DCK: variants seen among roughly 807,000 people sequenced by gnomAD.
The protein encoded by DCK is deoxycytidine kinase.
Under a neutral mutation model 38.3 loss-of-function variants are expected in DCK, and 23 were observed. The observed-to-expected ratio is 0.60, with a 90% CI of 0.43 to 0.85. DCK has a LOEUF of 0.85. Among genes scored for constraint, DCK ranks in the 40% least tolerant of loss-of-function variants. The pLI, the probability that DCK is intolerant of heterozygous loss-of-function variation, is 0.00. For synonymous variants in DCK, 108 were observed against 100.6 expected, an observed-to-expected ratio of 1.07 and a Z score of -0.44; for missense variants, 259 against 304.4, an observed-to-expected ratio of 0.85 and a Z score of 1.11.
Position 70,993,678 on chromosome 4 carries a change from G to A in DCK, c.-158G>A. Reference sequence around the variant, plus strand: ...TCCTCAGCTGCCTCCGCGCGCCAAAGTCAAACCCCGACACCCGCCGGCGGG... The same window carrying A: ...TCCTCAGCTGCCTCCGCGCGCCAAAATCAAACCCCGACACCCGCCGGCGGG... On this transcript the variant is annotated 5_prime_UTR_variant, in exon 1 of 7. Coordinates refer to ENST00000286648, the MANE Select transcript of DCK (RefSeq NM_000788.3). 2 of 574,566 alleles carry A rather than the reference G, an allele frequency of 3.5e-6. No homozygotes were observed. Among genetic ancestry groups the A allele is most frequent in the South Asian group, 4.2e-5 (2 of 47,350 alleles). The allele number at this position is 574,566 out of a possible 1,614,324, so 35.6% of individuals were successfully genotyped here. A position where few individuals can be genotyped will look rare whatever the true frequency, so the allele number is the denominator to read the frequency against.
intron 3 of DCK, 44 bp from the exon 4 acceptor site, chr4:71,023,515 T>G (rs1182091365): frequency 7.8e-7 from 1 of 1,276,408 alleles, no homozygotes. Flanking sequence ...TCTTTGTTGT[T>G]TTTTTTTGAA....
chr4:70,995,313 A>G (rs1049486701), intron 1 of DCK, among the ~76,000 whole-genome samples: 13 of 152,368 alleles, frequency 8.5e-5, no homozygotes, highest in African/African-American at 2.6e-4. Context: ...GAGGCAGGGC[A>G]TGGAGGCTCA....
At chr4:71,011,415 T>C (rs1740088007) in intron 2 of DCK, among the ~76,000 whole-genome samples, 1 of 152,076 alleles carries the variant, frequency 6.6e-6, no homozygotes. Context: ...TGGAGTGCAA[T>C]GGTGAACCTC....
intron 2 of DCK, among the ~76,000 whole-genome samples, chr4:71,002,233 G>T (rs1049881692): frequency 6.6e-6 from 1 of 152,146 alleles, no homozygotes; most frequent in East Asian, 1.9e-4. Flanking sequence ...TATTTACCCG[G>T]TAGTCATTCA....
chr4:71,016,890 A>G (rs1170745852), intron 2 of DCK, among the ~76,000 whole-genome samples: 2 of 152,228 alleles, frequency 1.3e-5, no homozygotes, highest in Admixed American at 1.3e-4. Flanking sequence ...CTTCATGTCT[A>G]AAACACCAAA....
At chr4:70,998,511 G>A (rs1739709483) in intron 2 of DCK, among the ~76,000 whole-genome samples, 1 of 152,158 alleles carries the variant, frequency 6.6e-6, no homozygotes, top group Non-Finnish European at 1.5e-5. Flanking sequence ...TACTATTTGG[G>A]AGGATATATG....
chr4:71,019,707 T>C (rs1740360862), intron 2 of DCK, among the ~76,000 whole-genome samples: 1 of 152,220 alleles, frequency 6.6e-6, no homozygotes, highest in African/African-American at 2.4e-5. Flanking sequence ...TGTCTAATAA[T>C]GTTTTCGTAA....
intron 2 of DCK, among the ~76,000 whole-genome samples, chr4:71,001,680 A>T (rs192785996): frequency 9.6e-4 from 146 of 152,214 alleles, no homozygotes; most frequent in African/African-American, 3.2e-3. Context: ...TGGTCTGTTC[A>T]TTAAACCAGA....
chr4:70,995,207 T>C (rs945045667), intron 1 of DCK, among the ~76,000 whole-genome samples: 7 of 152,236 alleles, frequency 4.6e-5, no homozygotes, highest in Non-Finnish European at 1.0e-4. Flanking sequence ...GCATGTTTAC[T>C]AGTATGGAAT....
At chr4:71,010,166 CT>C (rs367836620) in intron 2 of DCK, among the ~76,000 whole-genome samples, 566 of 135,264 alleles carry the variant, frequency 4.2e-3, no homozygotes, top group East Asian at 0.014. Flanking sequence ...GCTGTTTTAG[CT>C]TTTTTTTTTT....
intron 2 of DCK, among the ~76,000 whole-genome samples, chr4:71,009,659 A>T (rs541250524): frequency 6.6e-6 from 1 of 152,068 alleles, no homozygotes; most frequent in Non-Finnish European, 1.5e-5. Flanking sequence ...ATGATGTTAC[A>T]ATTTGATTAC....
chr4:71,028,336 A>C (rs1740590608), intron 6 of DCK, among the ~76,000 whole-genome samples: 1 of 152,208 alleles, frequency 6.6e-6, no homozygotes, highest in Admixed American at 6.5e-5. Context: ...TCACACCTGT[A>C]ATCCCAGCAC....
intron 6 of DCK, chr4:71,028,710 A>G (rs1372073577): frequency 1.4e-5 from 6 of 425,438 alleles, no homozygotes; most frequent in Non-Finnish European, 2.3e-5. Context: ...GTTCTGCCTC[A>G]GCCTCCTAAG....
intron 2 of DCK, among the ~76,000 whole-genome samples, chr4:70,999,693 G>T (rs528005959): frequency 1.3e-5 from 2 of 152,274 alleles, no homozygotes; most frequent in African/African-American, 4.8e-5. Flanking sequence ...GTTGTTTCCT[G>T]ACTTTTTAAT....
In DCK at chr4:71,011,913, C is replaced by A. The variant is rs150204675; in HGVS notation, c.208-10454C>A. On this transcript the variant is annotated intron_variant, in intron 2 of 6. Transcript: ENST00000286648. ...AGAATAAATGTTATTCATAATCCTA[C>A]CACTCTGTATGTATCTTTTACATAG... Among the ~76,000 whole-genome samples, 696 of 152,238 alleles carry A rather than the reference C, an allele frequency of 4.6e-3. 3 individuals are homozygous for A. Among genetic ancestry groups the A allele is most frequent in the Middle Eastern group, 0.014 (4 of 292 alleles).
At chr4:71,020,028 T>A (rs1014919185) in intron 2 of DCK, among the ~76,000 whole-genome samples, 2 of 152,222 alleles carry the variant, frequency 1.3e-5, no homozygotes, top group Non-Finnish European at 2.9e-5. Flanking sequence ...TCTCAGGTGA[T>A]CTGCCTGCCT....
chr4:70,993,968 C>A, intron 1 of DCK, 42 bp downstream of exon 1: 2 of 1,391,976 alleles, frequency 1.4e-6, no homozygotes, highest in Non-Finnish European at 2.0e-6. Flanking sequence ...GCTGGGGTGT[C>A]GCGGCAGTGG....
In DCK at chr4:71,029,461, T is replaced by A; in HGVS notation, c.*83T>A. Reference sequence around the variant, plus strand: ...TCGTAACTTCATATTAATATAAGTTTCTTTAGAAAACCCAAGTTTTTAATC... The same window carrying A: ...TCGTAACTTCATATTAATATAAGTTACTTTAGAAAACCCAAGTTTTTAATC... On this transcript the variant is annotated 3_prime_UTR_variant, in exon 7 of 7. Coordinates refer to ENST00000286648, the MANE Select transcript of DCK (RefSeq NM_000788.3). 1 of 1,050,582 alleles carries A rather than the reference T, an allele frequency of 9.5e-7. No homozygotes were observed. Among genetic ancestry groups the A allele is most frequent in the Non-Finnish European group, 1.4e-6 (1 of 699,866 alleles). 65.1% of individuals were successfully genotyped at this position (1,050,582 alleles called of 1,614,324 possible).
intron 2 of DCK, among the ~76,000 whole-genome samples, chr4:71,017,114 G>A (rs972641180): frequency 7.2e-5 from 11 of 152,162 alleles, no homozygotes; most frequent in African/African-American, 2.2e-4. Flanking sequence ...CAAAAAGTGG[G>A]CAAAGGATAT....
Sources: gnomAD v4.1 joint callset for allele counts (sites outside exome capture counted in the v4.1 genomes callset) on GRCh38, gnomAD v4.1.1 for gene constraint, MANE v1.5 for transcripts, NCBI Gene and HGNC (gene_info 2026-07-23, HGNC 2026-07-21) for gene names.